ERCC3: variants seen among roughly 807,000 people sequenced by gnomAD.
The protein encoded by ERCC3 is ERCC excision repair 3, TFIIH core complex helicase subunit.
In ERCC3, 66 loss-of-function variants were observed where a neutral mutation model predicts 94.2. That is an observed-to-expected ratio of 0.70 (90% CI 0.57 to 0.86). ERCC3 has a LOEUF of 0.86. Among genes scored for constraint, ERCC3 ranks in the 40% least tolerant of loss-of-function variants. The pLI is 0.00. For missense variants in ERCC3, 829 were observed against 987.1 expected, an observed-to-expected ratio of 0.84 and a Z score of 2.15; for synonymous variants, 349 against 369.1, an observed-to-expected ratio of 0.95 and a Z score of 0.63.
At position 127,266,969 on chromosome 2, in the gene ERCC3, G is replaced by A. The variant is rs547950595; in HGVS notation, c.1945+4367C>T. On this transcript the variant is annotated intron_variant, in intron 12 of 14. Coordinates refer to ENST00000285398, the MANE Select transcript of ERCC3 (RefSeq NM_000122.2). The stretch of plus-strand genomic sequence containing the variant: ...GAGCTCAGGCAATCTGCCGGCCTCA[G>A]CCTCCCAAAGTGCTGGGATTACAGG... Among the ~76,000 whole-genome samples the A allele has an allele frequency of 2.3e-3, 352 of 152,324 alleles. 6 individuals are homozygous for A. Among genetic ancestry groups the A allele is most frequent in the African/African-American group, 7.6e-3 (314 of 41,570 alleles).
At chr2:127,265,567 C>T (rs1684328319) in intron 12 of ERCC3, among the ~76,000 whole-genome samples, 1 of 152,050 alleles carries the variant, frequency 6.6e-6, no homozygotes, top group South Asian at 2.1e-4. Flanking sequence ...TACAAGCATG[C>T]GCCACCACAT....
chr2:127,259,758 C>A lies in ERCC3; in HGVS notation c.2065-310G>T. 2.5e-6 allele frequency: 1 copy of A among 406,410 alleles called. No individual in the cohort carries two copies. Among genetic ancestry groups the A allele is most frequent in the East Asian group, 5.6e-5 (1 of 17,958 alleles). 25.2% of individuals were successfully genotyped at this position (406,410 alleles called of 1,614,324 possible). A position where few individuals can be genotyped will look rare whatever the true frequency, so the allele number is the denominator to read the frequency against. ...GAAGAATCTTAGTGATTTTAAAAGG[C>A]TCCTTCGGGTAGCCTTCACATCTTG... On this transcript the variant is annotated intron_variant, in intron 13 of 14. Coordinates refer to ENST00000285398, the MANE Select transcript of ERCC3 (RefSeq NM_000122.2). This position sits in a 1 kb window ranked among gnomAD's most constrained non-coding sequence, Gnocchi z 4.9.
chr2:127,289,265 G>A, intron 6 of ERCC3, 72 bp downstream of exon 6: 2 of 1,382,330 alleles, frequency 1.4e-6, no homozygotes, highest in Non-Finnish European at 2.1e-6. Flanking sequence ...TACAGGCAGA[G>A]TCGACACATG....
rs4150431 is a variant in ERCC3, at chr2:127,284,895, C to G, written c.1342+1808G>C. Among the ~76,000 whole-genome samples the G allele has an allele frequency of 6.6e-6, 1 of 152,114 alleles. No individual in the cohort carries two copies. Among genetic ancestry groups the G allele is most frequent in the East Asian group, 1.9e-4 (1 of 5,196 alleles). ...TAGAGACATGTCTCACTATGTTACC[C>G]AGGCTAATCTTAAGCTCCTGGGCTC... On this transcript the variant is annotated intron_variant, in intron 8 of 14. Transcript: ENST00000285398. The surrounding 1 kb of genome is among the most constrained non-coding windows in gnomAD (Gnocchi z 4.1).
Position 127,289,744 on chromosome 2 carries a change from T to A in ERCC3, c.602A>T (p.Asn201Ile), listed in dbSNP as rs755418225. The change falls in exon 5 of 15, where the codon AAC (asparagine) becomes ATC (isoleucine). Residue 201 changes from asparagine (N) to isoleucine (I), a missense_variant. Physicochemically the swap from Asn to Ile is moderately radical, Grantham distance 149. Transcript: ENST00000285398. ...DPVIRECRLRNSEGEATELIT... is the reference protein window; with the variant it reads ...DPVIRECRLRISEGEATELIT... ...GAGCTCAGTGGCCTCCCCTTCAGAGTTTCTTAAGCGGCATTCTCGGATCAC... is the reference window on the plus strand; with the variant it reads ...GAGCTCAGTGGCCTCCCCTTCAGAGATTCTTAAGCGGCATTCTCGGATCAC... 5.0e-6 allele frequency: 8 copies of A among 1,613,880 alleles called. No individual in the cohort carries two copies. In the South Asian group the frequency reaches 8.8e-5, roughly 18 times the overall value.
intron 8 of ERCC3, among the ~76,000 whole-genome samples, chr2:127,282,595 C>A (rs1324751560): frequency 6.6e-6 from 1 of 152,210 alleles, no homozygotes; most frequent in Non-Finnish European, 1.5e-5. Flanking sequence ...GATCACTCCA[C>A]CTAACCCAAC....
chr2:127,277,659 C>A lies in ERCC3; in HGVS notation c.1730+1514G>T, dbSNP rs1265011321. Among the ~76,000 whole-genome samples, 1 of 152,028 alleles carries A rather than the reference C, an allele frequency of 6.6e-6. No homozygotes were observed. Among genetic ancestry groups the A allele is most frequent in the African/African-American group, 2.4e-5 (1 of 41,388 alleles). ...TGAGCTGAGATAGCGCCACTGCACT[C>A]CAGCCTGGCAACAGAGCAAGACTCC... On this transcript the variant is annotated intron_variant, in intron 10 of 14. Coordinates refer to ENST00000285398, the MANE Select transcript of ERCC3 (RefSeq NM_000122.2). This position sits in a 1 kb window ranked among gnomAD's most constrained non-coding sequence, Gnocchi z 5.1.
chr2:127,271,381 G>C lies in ERCC3; in HGVS notation c.1900C>G (p.Arg634Gly). 1 of 1,613,996 alleles carries C rather than the reference G, an allele frequency of 6.2e-7. No individual in the cohort carries two copies. The highest frequency in any genetic ancestry group is 8.5e-7 in the Non-Finnish European group (1 of 1,179,958). ...CGCCCTAGCCTTTGGGCTTCCTGAC[G>C]CCTGGAGCCACCATGGGATGAGATC... Reference protein sequence around the residue: ...IQISSHGGSRRQEAQRLGRVL... With the variant: ...IQISSHGGSRGQEAQRLGRVL... Residue 634 changes from arginine to glycine, a missense_variant, in exon 12 of 15, where the codon CGT becomes GGT. Coordinates refer to ENST00000285398, the MANE Select transcript of ERCC3 (RefSeq NM_000122.2). This position sits in a 1 kb window ranked among gnomAD's most constrained non-coding sequence, Gnocchi z 5.0.
At chr2:127,261,436 A>C (rs896502234) in intron 12 of ERCC3, 90 bp from the exon 13 acceptor site, 10 of 862,626 alleles carry the variant, frequency 1.2e-5, no homozygotes, top group Non-Finnish European at 1.6e-5. Flanking sequence ...AAAAGCAAGC[A>C]CTGGAGTGGA....
intron 6 of ERCC3, 70 bp from the exon 7 acceptor site, chr2:127,288,934 G>A: frequency 8.3e-7 from 1 of 1,205,298 alleles, no homozygotes; most frequent in Non-Finnish European, 1.2e-6. Context: ...TCTTCTAAGA[G>A]GTCCAATGGT....
Position 127,259,757 on chromosome 2 carries a change from G to T in ERCC3, c.2065-309C>A. On this transcript the variant is annotated intron_variant, in intron 13 of 14. Transcript: ENST00000285398. This position sits in a 1 kb window ranked among gnomAD's most constrained non-coding sequence, Gnocchi z 4.9. ...GGAAGAATCTTAGTGATTTTAAAAG[G>T]CTCCTTCGGGTAGCCTTCACATCTT... is the stretch of plus-strand genomic sequence containing the variant. 2.5e-6 allele frequency: 1 copy of T among 405,866 alleles called. No individual in the cohort carries two copies. Among genetic ancestry groups the T allele is most frequent in the Non-Finnish European group, 4.7e-6 (1 of 214,358 alleles). 25.1% of individuals were successfully genotyped at this position (405,866 alleles called of 1,614,324 possible).
At chr2:127,278,857 G>C (rs1684817320) in intron 10 of ERCC3, among the ~76,000 whole-genome samples, 1 of 152,154 alleles carries the variant, frequency 6.6e-6, no homozygotes, top group Non-Finnish European at 1.5e-5. Context: ...ACAGCCCAAA[G>C]CTCCAAATGC....
chr2:127,289,875 G>A (rs1251303989), intron 4 of ERCC3, 51 bp from the exon 5 acceptor site: 2 of 1,596,040 alleles, frequency 1.3e-6, no homozygotes. Context: ...GTACCTCCTG[G>A]AGATTCCACT....
In ERCC3 at chr2:127,257,705, A is replaced by G; in HGVS notation, c.2240T>C (p.Met747Thr). 6.2e-7 allele frequency: 1 copy of G among 1,614,226 alleles called. No individual in the cohort carries two copies. The highest frequency in any genetic ancestry group is 8.5e-7 in the Non-Finnish European group (1 of 1,180,028). The change falls in exon 15 of 15, where the codon ATG becomes ACG. Residue 747 changes from methionine (M) to threonine (T), a missense_variant. Transcript: ENST00000285398. The surrounding 1 kb of genome is among the most constrained non-coding windows in gnomAD (Gnocchi z 5.4). ...SSQASRRFGT[M>T]SSMSGADDTV... Reference sequence around the variant, plus strand: ...GTCGTCGGCCCCAGACATAGAACTCATGGTGCCAAAGCGCCGAGATGCCTG... The same window carrying G: ...GTCGTCGGCCCCAGACATAGAACTCGTGGTGCCAAAGCGCCGAGATGCCTG...
At chr2:127,281,163 A>C (rs1211804818) in intron 8 of ERCC3, among the ~76,000 whole-genome samples, 9 of 152,162 alleles carry the variant, frequency 5.9e-5, no homozygotes, top group Non-Finnish European at 1.2e-4. Context: ...TTCCCCTAAC[A>C]CTTGTACCCA....
intron 8 of ERCC3, among the ~76,000 whole-genome samples, chr2:127,281,754 A>AAC (rs972979992): frequency 1.3e-5 from 2 of 151,716 alleles, no homozygotes; most frequent in South Asian, 4.2e-4. Context: ...ACCACATGCA[A>AAC]ACACACACAC....
intron 8 of ERCC3, among the ~76,000 whole-genome samples, chr2:127,282,332 T>A (rs1316797200): frequency 6.6e-6 from 1 of 152,244 alleles, no homozygotes; most frequent in Non-Finnish European, 1.5e-5. Context: ...TCATTTGGCA[T>A]TTATTTGTGT....
At chr2:127,287,685 GC>G (rs764496654) in intron 7 of ERCC3, among the ~76,000 whole-genome samples, 2 of 152,086 alleles carry the variant, frequency 1.3e-5, no homozygotes, top group Non-Finnish European at 2.9e-5. Context: ...ACTTTACCTT[GC>G]CCACAGCCAC....
intron 8 of ERCC3, among the ~76,000 whole-genome samples, chr2:127,281,317 G>A (rs554093493): frequency 6.6e-6 from 1 of 152,234 alleles, no homozygotes; most frequent in East Asian, 1.9e-4. Flanking sequence ...GTTCGCCCAA[G>A]CCCTCCGGCC....
Sources: gnomAD v4.1 joint callset for allele counts (sites outside exome capture counted in the v4.1 genomes callset) on GRCh38, gnomAD v4.1.1 for gene constraint, Gnocchi (gnomAD v3.1) non-coding constraint, MANE v1.5 for transcripts, NCBI Gene and HGNC (gene_info 2026-07-23, HGNC 2026-07-21) for gene names.